DYM: variants seen among roughly 807,000 people sequenced by gnomAD.
DYM encodes dymeclin.
DYM carries 78 observed loss-of-function variants against 93.1 expected under a neutral mutation model. The observed-to-expected ratio is 0.84, with a 90% CI of 0.70 to 1.01. The LOEUF is 1.01. Among genes scored for constraint, DYM ranks in the 50% least tolerant of loss-of-function variants. DYM has a pLI of 0.00. For missense variants in DYM, 789 were observed against 845.0 expected (o/e 0.93, Z 0.82); for synonymous variants, 321 against 319.7 (o/e 1.00, Z -0.04).
chr18:49,284,136 C>A (rs1329247873), intron 9 of DYM, among the ~76,000 whole-genome samples: 1 of 152,106 alleles, frequency 6.6e-6, no homozygotes, highest in Non-Finnish European at 1.5e-5. Context: ...ATTCACCAAC[C>A]TGTATTATAC....
intron 8 of DYM, among the ~76,000 whole-genome samples, chr18:49,289,737 A>G (rs375447248): frequency 0.24 from 5,034 of 21,260 alleles, 407 homozygotes; most frequent in African/African-American, 0.31. Flanking sequence ...GTATATATAT[A>G]TATATATATA....
intron 15 of DYM, among the ~76,000 whole-genome samples, chr18:49,139,178 CAG>C (rs1334316380): frequency 6.6e-6 from 1 of 151,960 alleles, no homozygotes; most frequent in African/African-American, 2.4e-5. Flanking sequence ...TAATTTTTAT[CAG>C]AGTGATAAGA....
chr18:49,224,919 A>G (rs1362150419), intron 13 of DYM, among the ~76,000 whole-genome samples: 1 of 152,116 alleles, frequency 6.6e-6, no homozygotes, highest in Non-Finnish European at 1.5e-5. Flanking sequence ...AAAAACCATA[A>G]AGAAGATGAG....
chr18:49,142,532 G>C (rs577907229), intron 15 of DYM, among the ~76,000 whole-genome samples: 1 of 152,122 alleles, frequency 6.6e-6, no homozygotes, highest in Non-Finnish European at 1.5e-5. Flanking sequence ...CTCATGTATT[G>C]AGAATACAGA....
chr18:49,342,909 G>A (rs980872745), intron 6 of DYM, among the ~76,000 whole-genome samples: 2 of 152,092 alleles, frequency 1.3e-5, no homozygotes, highest in Non-Finnish European at 2.9e-5. Flanking sequence ...GCACAATGAT[G>A]AAATCACCCA....
rs544772261 is a variant in DYM, at chr18:49,038,872, T to C, written c.*5183A>G. Among the ~76,000 whole-genome samples, 1 of 152,398 alleles carries C rather than the reference T, an allele frequency of 6.6e-6. No homozygotes were observed. The highest frequency in any genetic ancestry group is 2.1e-4 in the South Asian group (1 of 4,832). The stretch of plus-strand genomic sequence containing the variant: ...GAATTTTTACTCTCTTCTTGGATGA[T>C]GCCAAGTGTCTTAGAACACTTAAAA... On this transcript the variant is annotated 3_prime_UTR_variant, in exon 18 of 18. Transcript: ENST00000675505.
At chr18:49,079,611 C>G (rs1447726103) in intron 17 of DYM, among the ~76,000 whole-genome samples, 9 of 151,254 alleles carry the variant, frequency 6.0e-5, no homozygotes, top group African/African-American at 1.2e-4. Context: ...TGACTCTTAA[C>G]GAGCATGCTG....
intron 2 of DYM, among the ~76,000 whole-genome samples, chr18:49,398,836 T>C (rs1043860626): frequency 6.6e-6 from 1 of 152,232 alleles, no homozygotes; most frequent in African/African-American, 2.4e-5. Context: ...AAATGGGAAC[T>C]ATGAATTACT....
chr18:49,448,773 T>G (rs953990708), intron 1 of DYM, among the ~76,000 whole-genome samples: 2 of 152,268 alleles, frequency 1.3e-5, no homozygotes, highest in African/African-American at 4.8e-5. Flanking sequence ...GAGTGCATTC[T>G]GAAGCACAAG....
intron 8 of DYM, among the ~76,000 whole-genome samples, chr18:49,310,823 C>A (rs1197681574): frequency 6.6e-6 from 1 of 151,944 alleles, no homozygotes; most frequent in African/African-American, 2.4e-5. Flanking sequence ...AGCATTCTAG[C>A]CAAATGTTGT....
chr18:49,440,049 TAAATAAAAC>T (rs1168462968), intron 1 of DYM, among the ~76,000 whole-genome samples: 1 of 125,852 alleles, frequency 7.9e-6, no homozygotes, highest in Non-Finnish European at 1.8e-5. Flanking sequence ...AATAAATAAA[TAAATAAAAC>T]ATGATATGCT....
At chr18:49,082,285 G>A (rs1318146719) in intron 17 of DYM, among the ~76,000 whole-genome samples, 1 of 152,198 alleles carries the variant, frequency 6.6e-6, no homozygotes, top group Non-Finnish European at 1.5e-5. Context: ...CTCTAAATGA[G>A]CATAAACAGC....
intron 6 of DYM, among the ~76,000 whole-genome samples, chr18:49,349,064 C>T (rs759952368): frequency 2.0e-5 from 3 of 151,280 alleles, no homozygotes; most frequent in South Asian, 4.2e-4. Flanking sequence ...AAAAACTAGC[C>T]GAGCATGGTG....
At chr18:49,315,456 G>C (rs2061867444) in intron 8 of DYM, among the ~76,000 whole-genome samples, 1 of 152,152 alleles carries the variant, frequency 6.6e-6, no homozygotes, top group Non-Finnish European at 1.5e-5. Context: ...GAAGATGTAT[G>C]TGATGTTACA....
At chr18:49,221,467 T>G (rs1465881785) in intron 13 of DYM, among the ~76,000 whole-genome samples, 1 of 151,820 alleles carries the variant, frequency 6.6e-6, no homozygotes, top group Non-Finnish European at 1.5e-5. Flanking sequence ...GTATGTTTAT[T>G]GCAGCACTAT....
At chr18:49,257,247 C>T (rs1187565069) in intron 12 of DYM, 143 bp from the exon 13 acceptor site, 1 of 704,124 alleles carries the variant, frequency 1.4e-6, no homozygotes, top group Non-Finnish European at 2.5e-6. Context: ...TTTCTAATTC[C>T]TAAATCCATA....
At chr18:49,409,935 G>C (rs77451458) in intron 2 of DYM, among the ~76,000 whole-genome samples, 4 of 152,056 alleles carry the variant, frequency 2.6e-5, no homozygotes, top group Non-Finnish European at 4.4e-5. Flanking sequence ...GAGCCTATAC[G>C]TAGTACCTAA....
At chr18:49,163,914 T>A in intron 14 of DYM, 127 bp from the exon 15 acceptor site, 2 of 681,922 alleles carry the variant, frequency 2.9e-6, no homozygotes, top group East Asian at 5.7e-5. Flanking sequence ...TCTTTCTTCA[T>A]GCCTGTGTTA....
At chr18:49,421,395 G>A (rs2073692261) in intron 2 of DYM, among the ~76,000 whole-genome samples, 3 of 152,200 alleles carry the variant, frequency 2.0e-5, no homozygotes, top group Admixed American at 6.5e-5. Context: ...AGCGTCTGGA[G>A]TGGACCTCCA....
Sources: gnomAD v4.1 joint callset for allele counts (sites outside exome capture counted in the v4.1 genomes callset) on GRCh38, gnomAD v4.1.1 for gene constraint, MANE v1.5 for transcripts, NCBI Gene and HGNC (gene_info 2026-07-23, HGNC 2026-07-21) for gene names.